The following ALDH1A1 variants were observed in gnomAD, a reference collection of about 807,000 sequenced individuals.
ALDH1A1 encodes aldehyde dehydrogenase 1 family member A1.
A neutral mutation model predicts 62.1 loss-of-function variants in ALDH1A1; 19 were observed. The ratio of observed to expected loss-of-function variants is 0.31; its 90% CI spans 0.21 to 0.45. The LOEUF (loss-of-function observed/expected upper bound fraction) is 0.45, where lower values mean the gene tolerates loss of function less well. Ranked by LOEUF, ALDH1A1 falls within the 20% of genes least tolerant of loss-of-function variation. ALDH1A1 has a pLI of 1.00. For missense variants in ALDH1A1, 521 were observed against 607.1 expected (o/e 0.86, Z 1.49); for synonymous variants, 231 against 215.9 (o/e 1.07, Z -0.61).
intron 10 of ALDH1A1, among the ~76,000 whole-genome samples, chr9:72,910,964 T>C (rs1829976171): frequency 1.3e-5 from 2 of 152,198 alleles, no homozygotes; most frequent in Admixed American, 1.3e-4. Flanking sequence ...TGTTCTACTG[T>C]ATATTAATAT....
In ALDH1A1 at chr9:72,952,926, T is replaced by G. The variant is rs752334424; in HGVS notation, c.66+9A>C. ...CCGAGTCAAAGCAGAAAATAGAAGT[T>G]TTACTCACCTTAGTATATTGAATCT... On this transcript the variant is annotated intron_variant, in intron 1 of 12. Coordinates refer to ENST00000297785, the MANE Select transcript of ALDH1A1 (RefSeq NM_000689.5). 4.8e-5 allele frequency: 77 copies of G among 1,611,778 alleles called. No individual in the cohort carries two copies. The highest frequency in any genetic ancestry group is 1.6e-4 in the Middle Eastern group (1 of 6,066).
chr9:72,905,006 T>C (rs1829857925), intron 12 of ALDH1A1, among the ~76,000 whole-genome samples: 1 of 152,164 alleles, frequency 6.6e-6, no homozygotes, highest in African/African-American at 2.4e-5. Context: ...CCCATTTCAC[T>C]GACTCTTCAG....
intron 2 of ALDH1A1, among the ~76,000 whole-genome samples, chr9:72,939,707 G>A (rs1376859105): frequency 2.0e-5 from 3 of 151,660 alleles, no homozygotes; most frequent in East Asian, 3.9e-4. Context: ...TAGTAGAGAC[G>A]GTGTTTCCCC....
intron 1 of ALDH1A1, among the ~76,000 whole-genome samples, chr9:72,950,077 G>A (rs928177015): frequency 1.3e-5 from 2 of 151,698 alleles, no homozygotes; most frequent in African/African-American, 4.8e-5. Flanking sequence ...AGGAAAGGTT[G>A]GGTAAAAGGG....
At chr9:72,934,760 A>G (rs1830327990) in intron 2 of ALDH1A1, among the ~76,000 whole-genome samples, 1 of 152,198 alleles carries the variant, frequency 6.6e-6, no homozygotes, top group Non-Finnish European at 1.5e-5. Context: ...TTAAAGCCCC[A>G]TAGTTACTAT....
At chr9:72,941,741 A>G (rs1230291251) in intron 1 of ALDH1A1, among the ~76,000 whole-genome samples, 1 of 152,194 alleles carries the variant, frequency 6.6e-6, no homozygotes, top group East Asian at 1.9e-4. Flanking sequence ...TTCCTACAAA[A>G]TGGGGAAGAG....
At chr9:72,929,554 T>G (rs1830254163) in intron 3 of ALDH1A1, among the ~76,000 whole-genome samples, 1 of 152,236 alleles carries the variant, frequency 6.6e-6, no homozygotes, top group South Asian at 2.1e-4. Context: ...ATTAGGAAAC[T>G]ACCAGTGTTG....
intron 4 of ALDH1A1, among the ~76,000 whole-genome samples, chr9:72,927,666 C>T (rs1384001149): frequency 6.6e-6 from 1 of 152,066 alleles, no homozygotes; most frequent in East Asian, 1.9e-4. Context: ...TAAGAGAATT[C>T]TTTTTAAAAG....
At chr9:72,932,269 T>G (rs1325132239) in intron 2 of ALDH1A1, among the ~76,000 whole-genome samples, 1 of 152,172 alleles carries the variant, frequency 6.6e-6, no homozygotes, top group Non-Finnish European at 1.5e-5. Flanking sequence ...GTAATGACCC[T>G]AGATTTTTTT....
rs74866278 is a variant in ALDH1A1 at position 72,918,719 on chromosome 9, C to A, written c.850+1G>T. On this transcript the variant is annotated splice_donor_variant, in intron 8 of 12. Coordinates refer to ENST00000297785, the MANE Select transcript of ALDH1A1 (RefSeq NM_000689.5). LOFTEE classifies it high-confidence loss of function. The stretch of plus-strand genomic sequence containing the variant: ...AAGTTAACAAAGTGGTTTCTACTCA[C>A]AGTCGGCATCAGCTAACACAATGCA... 6.5e-7 allele frequency: 1 copy of A among 1,547,584 alleles called. No homozygotes were observed. The highest frequency in any genetic ancestry group is 8.8e-7 in the Non-Finnish European group (1 of 1,141,796).
At chr9:72,934,458 C>A (rs1483918182) in intron 2 of ALDH1A1, among the ~76,000 whole-genome samples, 1 of 152,132 alleles carries the variant, frequency 6.6e-6, no homozygotes, top group East Asian at 1.9e-4. Flanking sequence ...ATCTCAAGGT[C>A]AAAGTCCTCC....
At position 72,912,129 on chromosome 9, in the gene ALDH1A1, G is replaced by A. The variant is rs752579611; in HGVS notation, c.1036-7C>T. 1 of 1,605,490 alleles carries A rather than the reference G, an allele frequency of 6.2e-7. No individual in the cohort carries two copies. The highest frequency in any genetic ancestry group is 1.1e-5 in the South Asian group (1 of 90,318). ...CATATTGTTCCTTGTCAATCTATTT[G>A]AAAAATATCACATGAAAAGAAAAAA... On this transcript the variant is annotated splice_region_variant and splice_polypyrimidine_tract_variant and intron_variant, in intron 9 of 12. Coordinates refer to ENST00000297785, the MANE Select transcript of ALDH1A1 (RefSeq NM_000689.5).
intron 11 of ALDH1A1, among the ~76,000 whole-genome samples, chr9:72,907,244 G>A (rs114516341): frequency 8.9e-4 from 135 of 152,152 alleles, no homozygotes; most frequent in African/African-American, 3.2e-3. Flanking sequence ...TTGTTTAATT[G>A]CCCTTTAAAT....
Position 72,925,621 on chromosome 9 carries a change from C to A in ALDH1A1, c.505-9G>T. 1 of 1,608,674 alleles carries A rather than the reference C, an allele frequency of 6.2e-7. No individual in the cohort carries two copies. Among genetic ancestry groups the A allele is most frequent in the Middle Eastern group, 1.7e-4 (1 of 6,024 alleles). ...ACCAACGGGAAATTCCACTAGAAAG[C>A]AATATGTAACAATAGATTCTTTGTA... On this transcript the variant is annotated splice_polypyrimidine_tract_variant and intron_variant, in intron 5 of 12. Transcript: ENST00000297785.
chr9:72,909,854 T>C (rs1210358357), intron 10 of ALDH1A1, 95 bp from the exon 11 acceptor site: 2 of 1,075,356 alleles, frequency 1.9e-6, no homozygotes, highest in Non-Finnish European at 2.6e-6. Flanking sequence ...CTATCCTAAA[T>C]TGATTAAGAT....
intron 1 of ALDH1A1, among the ~76,000 whole-genome samples, chr9:72,949,345 G>A (rs1165294215): frequency 1.3e-5 from 2 of 151,884 alleles, no homozygotes; most frequent in African/African-American, 2.4e-5. Context: ...TGAAAGTCAG[G>A]ATGAAGAAGG....
chr9:72,936,238 T>C (rs1338248639), intron 2 of ALDH1A1, among the ~76,000 whole-genome samples: 1 of 152,142 alleles, frequency 6.6e-6, no homozygotes, highest in Non-Finnish European at 1.5e-5. Flanking sequence ...TTACTATACT[T>C]TAGGAAGGAG....
chr9:72,925,445 C>G, intron 6 of ALDH1A1, 39 bp downstream of exon 6: 6 of 1,605,122 alleles, frequency 3.7e-6, no homozygotes, highest in Non-Finnish European at 5.1e-6. Flanking sequence ...ATTTAGGATT[C>G]TTGAGTTCTT....
chr9:72,909,880 A>C, intron 10 of ALDH1A1, 121 bp from the exon 11 acceptor site: 9 of 812,078 alleles, frequency 1.1e-5, no homozygotes, highest in Non-Finnish European at 1.6e-5. Flanking sequence ...TTCTCATCTC[A>C]AACCTATGTG....
Sources: allele counts gnomAD v4.1 joint callset (sites outside exome capture counted in the v4.1 genomes callset), GRCh38; gene constraint gnomAD v4.1.1; transcripts MANE v1.5; gene names NCBI Gene and HGNC (gene_info 2026-07-23, HGNC 2026-07-21).